The following RAB3GAP2 variants were observed in gnomAD, a reference collection of about 807,000 sequenced individuals.
RAB3GAP2 encodes rab3 GTPase-activating protein non-catalytic subunit.
In RAB3GAP2, 87 loss-of-function variants were observed where a neutral mutation model predicts 185.3. The observed-to-expected ratio is 0.47, with a 90% CI of 0.39 to 0.56. RAB3GAP2 has a LOEUF of 0.56. Ranked by LOEUF, RAB3GAP2 falls within the 20% of genes least tolerant of loss-of-function variation. RAB3GAP2 has a pLI of 0.00. For synonymous variants in RAB3GAP2, 554 were observed against 576.1 expected (o/e 0.96, Z 0.55); for missense variants, 1,492 against 1,638.2 (o/e 0.91, Z 1.54).
chr1:220,245,423 T>C (rs1423145435), intron 1 of RAB3GAP2, among the ~76,000 whole-genome samples: 1 of 151,978 alleles, frequency 6.6e-6, no homozygotes, highest in Non-Finnish European at 1.5e-5. Context: ...ACCTGGAAAA[T>C]CGGGTCACTC....
chr1:220,199,219 T>C (rs1658794552), intron 9 of RAB3GAP2, among the ~76,000 whole-genome samples: 2 of 152,076 alleles, frequency 1.3e-5, no homozygotes, highest in Non-Finnish European at 2.9e-5. Context: ...CGATTTTGGA[T>C]ATGTTAAGTT....
rs764243449 is a variant in RAB3GAP2, at chr1:220,210,457, A to C, written c.543T>G (p.Asn181Lys). ...NGVLLLAQLLNEDPVLQLKCR... is the reference protein window; with the variant it reads ...NGVLLLAQLLKEDPVLQLKCR... ...ATTTAAGTTGAAGTACTGGGTCCTC[A>C]TTCAAAAGCTGTGCAAGCAAGAGCA... The change falls in exon 7 of 35, where the codon AAT becomes AAG. Residue 181 changes from asparagine (N) to lysine (K), a missense_variant. Physicochemically the swap from Asn to Lys is moderately conservative, Grantham distance 94 (BLOSUM62 0). Around this residue, in one of 5 missense-constraint regions of RAB3GAP2, gnomAD observed 243 missense variants for 314.8 expected, o/e 0.77. Transcript: ENST00000358951. 6 of 1,614,140 alleles carry C rather than the reference A, an allele frequency of 3.7e-6. No homozygotes were observed. Among genetic ancestry groups the C allele is most frequent in the Non-Finnish European group, 4.2e-6 (5 of 1,179,966 alleles).
At chr1:220,266,667 C>T in intron 1 of RAB3GAP2, 1 of 1,508,128 alleles carries the variant, frequency 6.6e-7, no homozygotes, top group South Asian at 1.1e-5. Context: ...GGTTATACAG[C>T]AGCCCTGGCT....
chr1:220,208,979 A>C (rs1390567750), intron 7 of RAB3GAP2, among the ~76,000 whole-genome samples: 2 of 152,176 alleles, frequency 1.3e-5, no homozygotes, highest in Non-Finnish European at 2.9e-5. Flanking sequence ...GGGCTCCCAA[A>C]GTGCTGGGAT....
chr1:220,192,954 T>C (rs183756286), intron 13 of RAB3GAP2, among the ~76,000 whole-genome samples: 134 of 152,264 alleles, frequency 8.8e-4, no homozygotes, highest in Non-Finnish European at 1.7e-3. Flanking sequence ...GGAATAAATG[T>C]AGCAGGGGCA....
intron 1 of RAB3GAP2, among the ~76,000 whole-genome samples, chr1:220,262,502 G>A (rs956025036): frequency 4.6e-5 from 7 of 151,972 alleles, no homozygotes; most frequent in East Asian, 1.9e-4. Context: ...TCTGGTAACC[G>A]CCATTCTATT....
At chr1:220,254,306 T>C in intron 1 of RAB3GAP2, 1 of 1,613,532 alleles carries the variant, frequency 6.2e-7, no homozygotes, top group East Asian at 2.2e-5. Context: ...GCCGAAATTC[T>C]TGCAGATCAT....
chr1:220,249,511 C>A (rs987043318), intron 1 of RAB3GAP2, among the ~76,000 whole-genome samples: 27 of 152,084 alleles, frequency 1.8e-4, no homozygotes, highest in African/African-American at 6.5e-4. Context: ...AAATTTGTAG[C>A]CCGACAATAC....
intron 7 of RAB3GAP2, chr1:220,208,411 T>C (rs1659009838): frequency 6.6e-6 from 1 of 152,212 alleles, no homozygotes; most frequent in South Asian, 2.1e-4. Flanking sequence ...TTTCCTACAC[T>C]CTTTACTTGA....
At chr1:220,236,688 G>A (rs1659597424) in intron 1 of RAB3GAP2, among the ~76,000 whole-genome samples, 2 of 151,624 alleles carry the variant, frequency 1.3e-5, no homozygotes, top group African/African-American at 2.4e-5. Context: ...AAAAAAAAAA[G>A]GTATATATTG....
intron 2 of RAB3GAP2, 105 bp from the exon 3 acceptor site, chr1:220,214,084 A>G (rs1659137592): frequency 2.7e-6 from 3 of 1,129,136 alleles, no homozygotes; most frequent in Non-Finnish European, 3.9e-6. Context: ...AGAAAAGGAA[A>G]TATTTCCAAT....
chr1:220,189,191 T>C (rs1346020930), intron 17 of RAB3GAP2, among the ~76,000 whole-genome samples: 1 of 151,544 alleles, frequency 6.6e-6, no homozygotes, highest in African/African-American at 2.4e-5. Flanking sequence ...CTATTTTATA[T>C]ATATAATATA....
Position 220,202,402 on chromosome 1 carries a change from A to G in RAB3GAP2, c.713-28T>C, listed in dbSNP as rs553829918. 9.4e-6 allele frequency: 15 copies of G among 1,592,786 alleles called. 1 individual carries two copies. The Admixed American group carries it at 2.3e-4, about 25-fold the overall frequency. Reference sequence around the variant, plus strand: ...ACCAAAGATAAAATAAGACAATCCAAACTTATTATGGATAAAATGAAGTTT... The same window carrying G: ...ACCAAAGATAAAATAAGACAATCCAGACTTATTATGGATAAAATGAAGTTT... On this transcript the variant is annotated intron_variant, in intron 8 of 34. Transcript: ENST00000358951.
At chr1:220,253,113 G>T (rs904485446) in intron 1 of RAB3GAP2, among the ~76,000 whole-genome samples, 6 of 152,304 alleles carry the variant, frequency 3.9e-5, no homozygotes, top group South Asian at 2.1e-4. Flanking sequence ...TACGAGGAAG[G>T]TTCCCCAACA....
At chr1:220,256,144 C>A (rs1660028392) in intron 1 of RAB3GAP2, among the ~76,000 whole-genome samples, 1 of 152,190 alleles carries the variant, frequency 6.6e-6, no homozygotes, top group South Asian at 2.1e-4. Flanking sequence ...GAATTTCATA[C>A]CTGGCTAAGC....
Position 220,149,461 on chromosome 1 carries a change from T to TAAC in RAB3GAP2, c.*1787_*1789dup, listed in dbSNP as rs1455891076. 3 of 152,228 alleles carry TAAC rather than the reference T, an allele frequency of 2.0e-5. No homozygotes were observed. The highest frequency in any genetic ancestry group is 2.1e-4 in the South Asian group (1 of 4,836). 9.4% of individuals were successfully genotyped at this position (152,228 alleles called of 1,614,324 possible). A position where few individuals can be genotyped will look rare whatever the true frequency, so the allele number is the denominator to read the frequency against. On this transcript the variant is annotated 3_prime_UTR_variant, in exon 35 of 35. Transcript: ENST00000358951. ...AGGATTTATTCTTTAAAAATACCTATAACTCCAAGTTTCTTTGACTAGCCT... is the reference window on the plus strand; with the variant it reads ...AGGATTTATTCTTTAAAAATACCTATAACAACTCCAAGTTTCTTTGACTAGCCT...
At chr1:220,267,328 TAC>T (rs1660246173) in intron 1 of RAB3GAP2, 15 of 1,040,058 alleles carry the variant, frequency 1.4e-5, no homozygotes, top group South Asian at 3.8e-5. Flanking sequence ...GAAATAACCA[TAC>T]AGTCTGATTA....
intron 1 of RAB3GAP2, 150 bp downstream of exon 1, chr1:220,272,073 G>A: frequency 1.4e-6 from 1 of 723,632 alleles, no homozygotes; most frequent in Admixed American, 2.0e-5. Flanking sequence ...AGGTGGGCAG[G>A]GTGTCATCCC....
rs1267173356 is a variant in RAB3GAP2 at position 220,153,204 on chromosome 1, A to G, written c.3848T>C (p.Val1283Ala). ...HYVGELYNYG[V>A]DHLGEEAILQ... ...GATTACCTCTTCTCCTAAGTGGTCA[A>G]CTCCATAGTTGTATAGTTCCCCCAC... is the stretch of plus-strand genomic sequence containing the variant. The change falls in exon 33 of 35, where the codon GTT becomes GCT. Residue 1283 changes from valine to alanine, a missense_variant. Physicochemically the swap from Val to Ala is moderately conservative, Grantham distance 64. Transcript: ENST00000358951. 4.3e-6 allele frequency: 7 copies of G among 1,613,096 alleles called. No homozygotes were observed. The highest frequency in any genetic ancestry group is 3.3e-5 in the South Asian group (3 of 91,078).
Sources: allele counts gnomAD v4.1 joint callset (sites outside exome capture counted in the v4.1 genomes callset), GRCh38; gene constraint gnomAD v4.1.1; regional missense constraint gnomAD v4.1.1; transcripts MANE v1.5; gene names NCBI Gene and HGNC (gene_info 2026-07-23, HGNC 2026-07-21).